Variants in PDE3A observed in about 807,000 individuals in gnomAD.
PDE3A encodes phosphodiesterase 3A.
In PDE3A, 43 loss-of-function variants were observed where a neutral mutation model predicts 98.3. The ratio of observed to expected loss-of-function variants is 0.44; its 90% CI spans 0.34 to 0.56. The LOEUF is 0.56. Among genes scored for constraint, PDE3A ranks in the 20% least tolerant of loss-of-function variants. The pLI, the probability that PDE3A is intolerant of heterozygous loss-of-function variation, is 0.01. For synonymous variants in PDE3A, 663 were observed against 567.9 expected (o/e 1.17, Z -2.38); for missense variants, 1,427 against 1,440.7 (o/e 0.99, Z 0.15).
At chr12:20,537,243 A>G (rs1336284642) in intron 1 of PDE3A, among the ~76,000 whole-genome samples, 1 of 151,942 alleles carries the variant, frequency 6.6e-6, no homozygotes, top group Admixed American at 6.6e-5. Flanking sequence ...TTTTTCAGTT[A>G]GATTATTTTC....
chr12:20,633,968 A>G (rs905640846), intron 7 of PDE3A, among the ~76,000 whole-genome samples, 190 bp downstream of exon 7: 4 of 152,102 alleles, frequency 2.6e-5, no homozygotes, highest in African/African-American at 9.7e-5. Flanking sequence ...TTGAAGTACT[A>G]GGATTACAGG....
At chr12:20,576,709 A>G (rs1192760154) in intron 2 of PDE3A, among the ~76,000 whole-genome samples, 3 of 152,182 alleles carry the variant, frequency 2.0e-5, no homozygotes, top group African/African-American at 7.2e-5. Context: ...TCACGGAAAT[A>G]TAATTTGTCA....
chr12:20,621,455 G>T, intron 5 of PDE3A, 44 bp downstream of exon 5: 1 of 1,010,870 alleles, frequency 9.9e-7, no homozygotes, highest in Non-Finnish European at 1.6e-6. Flanking sequence ...TGAGTGTGGA[G>T]TTCTAGAGTA....
intron 1 of PDE3A, among the ~76,000 whole-genome samples, chr12:20,498,617 A>G (rs559114608): frequency 4.0e-4 from 60 of 151,378 alleles, no homozygotes; most frequent in South Asian, 2.3e-3. Context: ...GGGTCCTGGA[A>G]CCAATCTGCC....
chr12:20,570,826 GCTCAGA>G (rs1258568326), intron 2 of PDE3A, among the ~76,000 whole-genome samples: 5 of 152,108 alleles, frequency 3.3e-5, no homozygotes, highest in African/African-American at 1.2e-4. Context: ...TGAGTCTTAA[GCTCAGA>G]TCTAGGCTGT....
At chr12:20,673,235 C>G (rs916908046) in intron 15 of PDE3A, among the ~76,000 whole-genome samples, 2 of 151,948 alleles carry the variant, frequency 1.3e-5, no homozygotes, top group Non-Finnish European at 2.9e-5. Flanking sequence ...AATAGGAACA[C>G]TTTTACACTG....
intron 1 of PDE3A, chr12:20,551,991 C>G: frequency 6.2e-7 from 1 of 1,612,576 alleles, no homozygotes; most frequent in Admixed American, 1.7e-5. Context: ...GCCGGAGCAA[C>G]GACGGAGCGT....
chr12:20,413,459 A>G (rs7310385), intron 1 of PDE3A, among the ~76,000 whole-genome samples: 93,404 of 151,496 alleles, frequency 0.62, 30,552 homozygotes, highest in East Asian at 0.88. Flanking sequence ...CTGGCCCAGC[A>G]AGAAACAGAA....
chr12:20,429,082 T>C lies in PDE3A; in HGVS notation c.960+58838T>C, dbSNP rs149662967. On this transcript the variant is annotated intron_variant, in intron 1 of 15. Coordinates refer to ENST00000359062, the MANE Select transcript of PDE3A (RefSeq NM_000921.5). ...TTAACACAAAGTAAACATAGTTCACTTCTGTGAAGTCGAATTTGCAAAAAA... is the reference window on the plus strand; with the variant it reads ...TTAACACAAAGTAAACATAGTTCACCTCTGTGAAGTCGAATTTGCAAAAAA... 3.0e-3 allele frequency among the ~76,000 whole-genome samples: 455 copies of C among 152,356 alleles called. 1 individual carries two copies. The highest frequency in any genetic ancestry group is 0.011 in the African/African-American group (439 of 41,584).
rs139881978 is a variant in PDE3A at position 20,680,129 on chromosome 12, G to A, written c.3284G>A (p.Arg1095Gln). 1.2e-4 allele frequency: 196 copies of A among 1,613,704 alleles called. No homozygotes were observed. The African/African-American group carries it at 2.2e-3, about 18-fold the overall frequency. ...AAGAAAGTCATTGAAGAGGAGCAAC[G>A]GTTGGCAGGCATAGAAAATCAATCC... is the stretch of plus-strand genomic sequence containing the variant. ...MWKKVIEEEQRLAGIENQSLD... is the reference protein window; with the variant it reads ...MWKKVIEEEQQLAGIENQSLD... The change falls in exon 16 of 16, where the codon CGG becomes CAG. Residue 1095 changes from arginine (R) to glutamine (Q), a missense_variant. Physicochemically the swap from Arg to Gln is conservative, Grantham distance 43 (BLOSUM62 1). Around this residue, in one of 3 missense-constraint regions of PDE3A, gnomAD observed 142 missense variants for 133.9 expected, o/e 1.06. Coordinates refer to ENST00000359062, the MANE Select transcript of PDE3A (RefSeq NM_000921.5).
intron 2 of PDE3A, among the ~76,000 whole-genome samples, chr12:20,597,791 C>G (rs145127722): frequency 3.3e-4 from 50 of 152,320 alleles, no homozygotes; most frequent in African/African-American, 1.1e-3. Context: ...AGCCCTGATT[C>G]ATTCATCTCT....
chr12:20,376,246 G>A (rs1943569157), intron 1 of PDE3A, among the ~76,000 whole-genome samples: 1 of 151,880 alleles, frequency 6.6e-6, no homozygotes, highest in South Asian at 2.1e-4. Flanking sequence ...TCTGATTTTA[G>A]AGAGAAGGAA....
chr12:20,581,393 G>T (rs1943059923), intron 2 of PDE3A, among the ~76,000 whole-genome samples: 1 of 152,078 alleles, frequency 6.6e-6, no homozygotes, highest in South Asian at 2.1e-4. Context: ...ACAGGTAGTG[G>T]TATGAGAAAG....
rs1334088544 is a variant in PDE3A, at chr12:20,552,763, C to T, written c.961-3897C>T. The T allele has an allele frequency of 1.9e-6, 3 of 1,613,942 alleles. No homozygotes were observed. On this transcript the variant is annotated intron_variant, in intron 1 of 15. Transcript: ENST00000359062. This position sits in a 1 kb window ranked among gnomAD's most constrained non-coding sequence, Gnocchi z 5.1. ...CCGGCCGGCGAGCGGCAGCCCGTTCCAGTTGTTCCTGAGTAAAGTGGAGGA... is the reference window on the plus strand; with the variant it reads ...CCGGCCGGCGAGCGGCAGCCCGTTCTAGTTGTTCCTGAGTAAAGTGGAGGA...
At position 20,680,539 on chromosome 12, in the gene PDE3A, C is replaced by A; in HGVS notation, c.*268C>A. The stretch of plus-strand genomic sequence containing the variant: ...ATATGTGTGTGTGTATATAAGCTCC[C>A]ACATAGATACATGTAAAACATATTC... On this transcript the variant is annotated 3_prime_UTR_variant, in exon 16 of 16. Coordinates refer to ENST00000359062, the MANE Select transcript of PDE3A (RefSeq NM_000921.5). The A allele has an allele frequency of 2.8e-6, 1 of 360,058 alleles. No homozygotes were observed. 22.3% of individuals were successfully genotyped at this position (360,058 alleles called of 1,614,324 possible).
intron 1 of PDE3A, among the ~76,000 whole-genome samples, chr12:20,475,405 C>G (rs1360621737): frequency 6.6e-6 from 1 of 151,970 alleles, no homozygotes; most frequent in Non-Finnish European, 1.5e-5. Flanking sequence ...TTTTTACAAC[C>G]CCTTCGCCTA....
At chr12:20,412,630 A>G (rs2120715599) in intron 1 of PDE3A, among the ~76,000 whole-genome samples, 1 of 152,306 alleles carries the variant, frequency 6.6e-6, no homozygotes, top group South Asian at 2.1e-4. Flanking sequence ...GATGCTCCAC[A>G]TCCTACCTAC....
At chr12:20,664,308 C>T (rs973478790) in intron 15 of PDE3A, among the ~76,000 whole-genome samples, 4 of 152,138 alleles carry the variant, frequency 2.6e-5, no homozygotes, top group African/African-American at 9.7e-5. Flanking sequence ...AACTTCTGAA[C>T]TCTTGGCTCA....
rs146989083 is a variant in PDE3A, at chr12:20,531,117, C to G, written c.961-25543C>G. The stretch of plus-strand genomic sequence containing the variant: ...CACAGCTCCCCTCTTAGCTTCATCC[C>G]TCTTAGAAGAGTTTCTATTTATCTT... On this transcript the variant is annotated intron_variant, in intron 1 of 15. Transcript: ENST00000359062. 2.6e-5 allele frequency among the ~76,000 whole-genome samples: 4 copies of G among 152,300 alleles called. No individual in the cohort carries two copies. The East Asian group carries it at 7.7e-4, about 29-fold the overall frequency.
Sources: gnomAD v4.1 joint callset for allele counts (sites outside exome capture counted in the v4.1 genomes callset) on GRCh38, gnomAD v4.1.1 for gene constraint, gnomAD v4.1.1 regional missense constraint, Gnocchi (gnomAD v3.1) non-coding constraint, MANE v1.5 for transcripts, NCBI Gene and HGNC (gene_info 2026-07-23, HGNC 2026-07-21) for gene names.